The following ZDHHC20 variants were observed in gnomAD, a reference collection of about 807,000 sequenced individuals.
ZDHHC20 encodes palmitoyltransferase ZDHHC20.
ZDHHC20 carries 43 observed loss-of-function variants against 57.8 expected under a neutral mutation model. The observed-to-expected ratio is 0.74, with a 90% CI of 0.58 to 0.96. ZDHHC20 has a LOEUF of 0.96. Among genes scored for constraint, ZDHHC20 ranks in the 40% least tolerant of loss-of-function variants. ZDHHC20 has a pLI of 0.00. For synonymous variants in ZDHHC20, 157 were observed against 153.0 expected, an observed-to-expected ratio of 1.03 and a Z score of -0.19; for missense variants, 391 against 441.1, an observed-to-expected ratio of 0.89 and a Z score of 1.02.
intron 1 of ZDHHC20, 131 bp downstream of exon 1, chr13:21,458,923 A>AAAAAAGC: frequency 1.6e-6 from 1 of 616,220 alleles, no homozygotes; most frequent in East Asian, 3.5e-5. Flanking sequence ...GGCGCTTCCG[A>AAAAAAGC]GCGCGTTCGG....
At chr13:21,436,245 A>G (rs74980816) in intron 1 of ZDHHC20, among the ~76,000 whole-genome samples, 26,260 of 152,248 alleles carry the variant, frequency 0.17, 2,736 homozygotes, top group Non-Finnish European at 0.25. Flanking sequence ...ATCAACATTA[A>G]TGGTCCCCAA....
At chr13:21,393,260 T>C (rs1876100473) in intron 7 of ZDHHC20, among the ~76,000 whole-genome samples, 1 of 151,918 alleles carries the variant, frequency 6.6e-6, no homozygotes, top group Admixed American at 6.6e-5. Flanking sequence ...CCCAGTACTT[T>C]GGGAGGCGGA....
Position 21,459,143 on chromosome 13 carries a change from C to G in ZDHHC20, c.29G>C (p.Cys10Ser). 6.2e-7 allele frequency: 1 copy of G among 1,604,684 alleles called. No homozygotes were observed. Among genetic ancestry groups the G allele is most frequent in the Non-Finnish European group, 8.5e-7 (1 of 1,176,610 alleles). ...CGGCACCCAGCCCACGACGCGCTGG[C>G]AGCAGCGCCACAGCGTCCAGGGCGC... MAPWTLWRC[C>S]QRVVGWVPVL... Residue 10 changes from cysteine to serine, a missense_variant, in exon 1 of 13, where the codon TGC (cysteine) becomes TCC (serine). Physicochemically the swap from Cys to Ser is moderately radical, Grantham distance 112. Transcript: ENST00000400590.
intron 1 of ZDHHC20, among the ~76,000 whole-genome samples, chr13:21,445,454 A>C (rs1209838633): frequency 6.6e-6 from 1 of 152,242 alleles, no homozygotes; most frequent in Non-Finnish European, 1.5e-5. Flanking sequence ...TGTCAGACAC[A>C]CAACGGGCAT....
intron 1 of ZDHHC20, among the ~76,000 whole-genome samples, chr13:21,430,364 C>T: frequency 6.6e-6 from 1 of 151,858 alleles, no homozygotes; most frequent in Non-Finnish European, 1.5e-5. Context: ...TCCATTGACA[C>T]CATGAGAGGG....
At chr13:21,388,068 G>A (rs9316337) in intron 8 of ZDHHC20, among the ~76,000 whole-genome samples, 77,874 of 151,830 alleles carry the variant, frequency 0.51, 20,551 homozygotes, top group Non-Finnish European at 0.59. Context: ...AAAAATTACA[G>A]TGTTATAAGT....
intron 2 of ZDHHC20, among the ~76,000 whole-genome samples, chr13:21,422,709 T>C (rs1880784671): frequency 6.6e-6 from 1 of 152,242 alleles, no homozygotes; most frequent in African/African-American, 2.4e-5. Flanking sequence ...AATTGTTGCC[T>C]ACGTTCTTTG....
chr13:21,415,645 T>C (rs1181488768), intron 3 of ZDHHC20, among the ~76,000 whole-genome samples: 2 of 152,248 alleles, frequency 1.3e-5, no homozygotes, highest in African/African-American at 2.4e-5. Flanking sequence ...TTTTGCAAGA[T>C]GGCATGTTCT....
At chr13:21,410,274 G>A (rs1175994472) in intron 4 of ZDHHC20, among the ~76,000 whole-genome samples, 3 of 152,174 alleles carry the variant, frequency 2.0e-5, no homozygotes, top group Admixed American at 6.5e-5. Context: ...TCCCAGAGGG[G>A]CACCCTCTAG....
intron 10 of ZDHHC20, 112 bp downstream of exon 10, chr13:21,382,808 C>T (rs894202790): frequency 2.3e-6 from 2 of 856,632 alleles, no homozygotes; most frequent in African/African-American, 3.5e-5. Flanking sequence ...CTTTCCCTAA[C>T]TATGCTGGCT....
At chr13:21,456,387 G>C (rs1428896171) in intron 1 of ZDHHC20, among the ~76,000 whole-genome samples, 2 of 152,274 alleles carry the variant, frequency 1.3e-5, no homozygotes, top group East Asian at 1.9e-4. Flanking sequence ...TCCAGCCTGG[G>C]CAACAAGAGT....
chr13:21,419,971 A>G (rs939901446), intron 3 of ZDHHC20, among the ~76,000 whole-genome samples: 6 of 152,194 alleles, frequency 3.9e-5, no homozygotes, highest in Non-Finnish European at 7.3e-5. Context: ...AGTCCTAACA[A>G]TGTGGCAGGT....
chr13:21,408,197 A>C (rs769377834), intron 4 of ZDHHC20, among the ~76,000 whole-genome samples: 4 of 152,166 alleles, frequency 2.6e-5, no homozygotes, highest in Admixed American at 2.0e-4. Flanking sequence ...TTGAATCTAT[A>C]AATTACTTTG....
intron 3 of ZDHHC20, among the ~76,000 whole-genome samples, chr13:21,417,623 G>C (rs188579350): frequency 6.9e-4 from 105 of 152,204 alleles, no homozygotes; most frequent in African/African-American, 2.0e-3. Context: ...GTTTTTAGTA[G>C]AGATGGGGTT....
At chr13:21,409,801 G>A (rs971949323) in intron 4 of ZDHHC20, among the ~76,000 whole-genome samples, 1 of 152,040 alleles carries the variant, frequency 6.6e-6, no homozygotes, top group Non-Finnish European at 1.5e-5. Flanking sequence ...TTATATCAAG[G>A]TTCTTGGCTT....
At chr13:21,412,258 C>T (rs1315413105) in intron 4 of ZDHHC20, among the ~76,000 whole-genome samples, 1 of 152,186 alleles carries the variant, frequency 6.6e-6, no homozygotes, top group East Asian at 1.9e-4. Flanking sequence ...ATGTTAACAT[C>T]CTTGAATCTG....
chr13:21,425,264 G>A (rs757780477), intron 2 of ZDHHC20, among the ~76,000 whole-genome samples: 2 of 151,820 alleles, frequency 1.3e-5, no homozygotes, highest in East Asian at 1.9e-4. Context: ...ATGCCTAAAC[G>A]AGAACCATCA....
chr13:21,412,599 T>A (rs1042098695), intron 4 of ZDHHC20, among the ~76,000 whole-genome samples: 2 of 152,090 alleles, frequency 1.3e-5, no homozygotes, highest in African/African-American at 4.8e-5. Context: ...TGAAAGCCCG[T>A]TGCCTGGAAT....
chr13:21,405,247 A>G (rs920747969), intron 4 of ZDHHC20, among the ~76,000 whole-genome samples: 2 of 152,256 alleles, frequency 1.3e-5, no homozygotes, highest in African/African-American at 4.8e-5. Flanking sequence ...TTTTAACAAA[A>G]ATCATTTTCA....
Sources: gnomAD v4.1 joint callset for allele counts (sites outside exome capture counted in the v4.1 genomes callset) on GRCh38, gnomAD v4.1.1 for gene constraint, MANE v1.5 for transcripts, NCBI Gene and HGNC (gene_info 2026-07-23, HGNC 2026-07-21) for gene names.